The following RPH3A variants were observed in gnomAD, a reference collection of about 807,000 sequenced individuals.
RPH3A encodes the protein rabphilin 3A, also known as rabphilin-3A.
RPH3A carries 48 observed loss-of-function variants against 102.2 expected under a neutral mutation model. The observed-to-expected ratio is 0.47, with a 90% CI of 0.37 to 0.60. The LOEUF is 0.60. RPH3A is among the 20% of genes least tolerant of loss of function. The pLI, the probability that RPH3A is intolerant of heterozygous loss-of-function variation, is 0.00. For synonymous variants in RPH3A, 310 were observed against 324.3 expected (o/e 0.96, Z 0.47); for missense variants, 781 against 910.1 (o/e 0.86, Z 1.83).
upstream of RPH3A, chr12:112,791,388 G>A (rs2041098593): frequency 6.6e-6 from 1 of 152,376 alleles, no homozygotes; most frequent in Non-Finnish European, 1.5e-5. Flanking sequence ...ATTAGAAAAA[G>A]TGTGTGGTAG....
chr12:112,603,922 G>C (rs1029437940), intron 1 of RPH3A, among the ~76,000 whole-genome samples: 1 of 152,170 alleles, frequency 6.6e-6, no homozygotes, highest in Non-Finnish European at 1.5e-5. Context: ...TGTGTGTGTT[G>C]GTTGGTTTGT....
At chr12:112,883,164 A>T (rs529736884) in intron 15 of RPH3A, 129 bp from the exon 16 acceptor site, 59 of 652,078 alleles carry the variant, frequency 9.0e-5, no homozygotes, top group Admixed American at 6.1e-4. Flanking sequence ...TGCATTTGGG[A>T]ATAACTAAGC....
At chr12:112,617,961 TCTC>T (rs1374860478) in intron 1 of RPH3A, 1 of 152,322 alleles carries the variant, frequency 6.6e-6, no homozygotes, top group East Asian at 1.9e-4. Context: ...ACACAAATCT[TCTC>T]CTTCCTTGAT....
intron 14 of RPH3A, among the ~76,000 whole-genome samples, chr12:112,881,273 C>G (rs970794873): frequency 6.6e-5 from 10 of 152,190 alleles, no homozygotes; most frequent in Non-Finnish European, 1.5e-4. Flanking sequence ...TCATCCCAGC[C>G]CTGATGGATG....
chr12:112,663,549 G>C lies in RPH3A; in HGVS notation c.-140+88230G>C, dbSNP rs117875736. 3.3e-5 allele frequency among the ~76,000 whole-genome samples: 5 copies of C among 152,094 alleles called. No homozygotes were observed. In the East Asian group the frequency reaches 9.7e-4, roughly 29 times the overall value. ...TATTATTATTTTTTATAGAGACAGC[G>C]TCTCACTATGTTGTTCTGGCTGATC... On this transcript the variant is annotated intron_variant, in intron 1 of 21. Transcript: ENST00000543106.
At chr12:112,709,984 T>G (rs1012029396) in intron 1 of RPH3A, among the ~76,000 whole-genome samples, 1 of 151,306 alleles carries the variant, frequency 6.6e-6, no homozygotes, top group African/African-American at 2.4e-5. Flanking sequence ...GCCTTTTTTC[T>G]TTTTTTTTGA....
At chr12:112,724,429 A>G (rs1174414090) in intron 1 of RPH3A, among the ~76,000 whole-genome samples, 1 of 152,144 alleles carries the variant, frequency 6.6e-6, no homozygotes, top group African/African-American at 2.4e-5. Context: ...CAGATCTCCA[A>G]AAAATTTTTC....
At chr12:112,737,146 C>T (rs565148622) in intron 1 of RPH3A, among the ~76,000 whole-genome samples, 1 of 137,372 alleles carries the variant, frequency 7.3e-6, no homozygotes, top group South Asian at 2.6e-4. Context: ...CAGAATGAGA[C>T]CCTGTCTCAA....
chr12:112,670,170 T>C (rs2040117578), intron 1 of RPH3A, among the ~76,000 whole-genome samples: 2 of 152,190 alleles, frequency 1.3e-5, no homozygotes, highest in South Asian at 2.1e-4. Context: ...AGCCAAAAGC[T>C]TTCAGCTCTT....
intron 8 of RPH3A, chr12:112,869,302 G>A (rs1003521745): frequency 2.5e-5 from 4 of 162,282 alleles, no homozygotes; most frequent in Non-Finnish European, 5.3e-5. Context: ...GAAAGGAAGG[G>A]TACAGCGTTT....
chr12:112,819,729 T>C (rs1246102383), intron 2 of RPH3A, among the ~76,000 whole-genome samples: 1 of 152,268 alleles, frequency 6.6e-6, no homozygotes, highest in Non-Finnish European at 1.5e-5. Context: ...TCCTGTATTT[T>C]GGCTGGGACT....
chr12:112,666,226 A>G (rs1005121702), intron 1 of RPH3A, among the ~76,000 whole-genome samples: 1 of 152,188 alleles, frequency 6.6e-6, no homozygotes, highest in Non-Finnish European at 1.5e-5. Context: ...ATGGAACTTA[A>G]TAGCTTATGT....
At chr12:112,601,463 C>T (rs1186688631) in intron 1 of RPH3A, among the ~76,000 whole-genome samples, 1 of 152,096 alleles carries the variant, frequency 6.6e-6, no homozygotes, top group Non-Finnish European at 1.5e-5. Flanking sequence ...ATATTCATGC[C>T]ACTGAAAGTG....
intron 1 of RPH3A, among the ~76,000 whole-genome samples, chr12:112,615,404 A>G (rs1326604761): frequency 6.6e-6 from 1 of 152,166 alleles, no homozygotes; most frequent in Non-Finnish European, 1.5e-5. Context: ...GCCTCCTGGC[A>G]CTTGGCTCCA....
intron 1 of RPH3A, among the ~76,000 whole-genome samples, chr12:112,785,260 T>C (rs908977380): frequency 6.8e-6 from 1 of 147,440 alleles, no homozygotes; most frequent in Non-Finnish European, 1.5e-5. Flanking sequence ...AGCTGCATGG[T>C]GGTTGGCAGA....
At chr12:112,779,890 C>T (rs2040995039) in intron 1 of RPH3A, among the ~76,000 whole-genome samples, 1 of 152,058 alleles carries the variant, frequency 6.6e-6, no homozygotes. Flanking sequence ...GAGAAATGGA[C>T]ACAGACATAA....
intron 1 of RPH3A, among the ~76,000 whole-genome samples, chr12:112,774,778 G>A (rs139517923): frequency 6.6e-6 from 1 of 151,884 alleles, no homozygotes; most frequent in South Asian, 2.1e-4. Flanking sequence ...AGCAGGTCGG[G>A]GGGTGAGGTA....
chr12:112,766,519 C>G (rs972369813), intron 1 of RPH3A, among the ~76,000 whole-genome samples: 1 of 151,940 alleles, frequency 6.6e-6, no homozygotes, highest in Non-Finnish European at 1.5e-5. Context: ...AAAGGGATCA[C>G]AAGGGAAGGA....
intron 15 of RPH3A, among the ~76,000 whole-genome samples, chr12:112,882,325 A>G (rs1434050151): frequency 1.3e-5 from 2 of 151,938 alleles, no homozygotes; most frequent in Non-Finnish European, 2.9e-5. Flanking sequence ...CCGGCTGAGC[A>G]TTGCTTTACT....
Sources: allele counts gnomAD v4.1 joint callset (sites outside exome capture counted in the v4.1 genomes callset), GRCh38; gene constraint gnomAD v4.1.1; transcripts MANE v1.5; gene names NCBI Gene and HGNC (gene_info 2026-07-23, HGNC 2026-07-21).